The following B3GALT5 variants were observed in gnomAD, a reference collection of about 807,000 sequenced individuals.
The protein encoded by B3GALT5 is UDP-Gal:betaGlcNAc beta 1,3-galactosyltransferase, polypeptide 5.
For missense variants in B3GALT5, 328 were observed against 396.6 expected (o/e 0.83, Z 1.47); for synonymous variants, 156 against 158.6 (o/e 0.98, Z 0.12).
chr21:39,644,923 A>G (rs1054010497), intron 1 of B3GALT5, among the ~76,000 whole-genome samples: 1 of 152,068 alleles, frequency 6.6e-6, no homozygotes, highest in Non-Finnish European at 1.5e-5. Flanking sequence ...ATGTGTGTTG[A>G]CTGGCTCACC....
At chr21:39,631,911 A>C (rs150567455) in intron 1 of B3GALT5, among the ~76,000 whole-genome samples, 42 of 152,288 alleles carry the variant, frequency 2.8e-4, no homozygotes, top group Middle Eastern at 6.8e-3. Flanking sequence ...TGAAAGCATT[A>C]AGAGGAGCTC....
At chr21:39,634,795 G>T (rs435324) in intron 1 of B3GALT5, among the ~76,000 whole-genome samples, 1 of 152,142 alleles carries the variant, frequency 6.6e-6, no homozygotes, top group Admixed American at 6.5e-5. Context: ...AGGAACAGAA[G>T]TCATCACGTT....
At chr21:39,634,908 A>G (rs1329252894) in intron 1 of B3GALT5, among the ~76,000 whole-genome samples, 1 of 152,218 alleles carries the variant, frequency 6.6e-6, no homozygotes, top group Non-Finnish European at 1.5e-5. Flanking sequence ...ATGGCAGGCC[A>G]GAGGAAGCTC....
At chr21:39,647,352 G>C (rs888630198) in intron 2 of B3GALT5, among the ~76,000 whole-genome samples, 4 of 152,164 alleles carry the variant, frequency 2.6e-5, no homozygotes, top group Admixed American at 6.5e-5. Context: ...CATTGCCTGT[G>C]GTTTAGGGTG....
At position 39,668,407 on chromosome 21, in the gene B3GALT5, A is replaced by G. The variant is rs947685604; in HGVS notation, c.*6915A>G. On this transcript the variant is annotated 3_prime_UTR_variant, in exon 4 of 4. Transcript: ENST00000684187. ...TCCAAATATCCCTGATTTGGGGGGC[A>G]AGGTCTGTGTGTGATTTGCAGAGTA... is the stretch of plus-strand genomic sequence containing the variant. The G allele has an allele frequency of 2.0e-5, 3 of 152,204 alleles. No homozygotes were observed. The highest frequency in any genetic ancestry group is 7.2e-5 in the African/African-American group (3 of 41,448). 9.4% of individuals were successfully genotyped at this position (152,204 alleles called of 1,614,324 possible).
chr21:39,647,105 A>G (rs2079347718), intron 2 of B3GALT5, among the ~76,000 whole-genome samples: 1 of 152,116 alleles, frequency 6.6e-6, no homozygotes, highest in South Asian at 2.1e-4. Context: ...TGTCTCAAAA[A>G]AGCAAAACAA....
intron 2 of B3GALT5, among the ~76,000 whole-genome samples, chr21:39,649,758 G>A (rs2079377023): frequency 6.6e-6 from 1 of 152,126 alleles, no homozygotes; most frequent in South Asian, 2.1e-4. Context: ...AGTGACGTTG[G>A]GGATCTGGAG....
At chr21:39,640,608 TG>T (rs1198482379) in intron 1 of B3GALT5, among the ~76,000 whole-genome samples, 5 of 152,212 alleles carry the variant, frequency 3.3e-5, no homozygotes, top group African/African-American at 1.2e-4. Flanking sequence ...CAGCCTGTAC[TG>T]AACTTCAAAA....
rs997462543 is a variant in B3GALT5 at position 39,661,762 on chromosome 21, A to G, written c.*270A>G. On this transcript the variant is annotated 3_prime_UTR_variant, in exon 4 of 4. Transcript: ENST00000684187. The surrounding 1 kb of genome is among the most constrained non-coding windows in gnomAD (Gnocchi z 4.7). Reference sequence around the variant, plus strand: ...TCAGGGGTCAGTATCCTATGACATGATGGGTGTTACCATCCTAATTTTACA... The same window carrying G: ...TCAGGGGTCAGTATCCTATGACATGGTGGGTGTTACCATCCTAATTTTACA... 6 of 329,642 alleles carry G rather than the reference A, an allele frequency of 1.8e-5. No individual in the cohort carries two copies. Among genetic ancestry groups the G allele is most frequent in the East Asian group, 1.6e-4 (3 of 19,316 alleles). 20.4% of individuals were successfully genotyped at this position (329,642 alleles called of 1,614,324 possible).
At position 39,629,043 on chromosome 21, in the gene B3GALT5, G is replaced by A. The variant is rs143131746; in HGVS notation, c.-392+15976G>A. Among the ~76,000 whole-genome samples the A allele has an allele frequency of 9.6e-4, 146 of 151,388 alleles. No individual in the cohort carries two copies. In the East Asian group the frequency reaches 0.025, roughly 26 times the overall value. Reference sequence around the variant, plus strand: ...CTTTTTTTTTTTGAGATGGAGTCTCGCTCTGTCGCCCAGGTTGGAGTGCAG... The same window carrying A: ...CTTTTTTTTTTTGAGATGGAGTCTCACTCTGTCGCCCAGGTTGGAGTGCAG... On this transcript the variant is annotated intron_variant, in intron 1 of 3. Transcript: ENST00000684187.
At chr21:39,632,440 G>C (rs2079198368) in intron 1 of B3GALT5, among the ~76,000 whole-genome samples, 1 of 152,194 alleles carries the variant, frequency 6.6e-6, no homozygotes, top group Admixed American at 6.5e-5. Context: ...AGTACAGGCT[G>C]TCTGTTGCAG....
chr21:39,625,309 G>T lies in B3GALT5; in HGVS notation c.-392+12242G>T, dbSNP rs1039282295. Among the ~76,000 whole-genome samples the T allele has an allele frequency of 2.0e-5, 3 of 152,310 alleles. No homozygotes were observed. In the East Asian group the frequency reaches 5.8e-4, roughly 29 times the overall value. ...AGAAAGCAGTTTTCGTGTGTGATCA[G>T]TCGTTCTGAGCCTGATGGCTCTACC... On this transcript the variant is annotated intron_variant, in intron 1 of 3. Coordinates refer to ENST00000684187, the MANE Select transcript of B3GALT5 (RefSeq NM_001356336.2).
At chr21:39,643,530 G>A (rs2079309767) in intron 1 of B3GALT5, among the ~76,000 whole-genome samples, 1 of 152,210 alleles carries the variant, frequency 6.6e-6, no homozygotes, top group African/African-American at 2.4e-5. Context: ...GCTGTTTTAT[G>A]TAGGTGACAG....
chr21:39,655,895 C>T (rs937785734), intron 2 of B3GALT5, among the ~76,000 whole-genome samples: 5 of 152,132 alleles, frequency 3.3e-5, no homozygotes, highest in African/African-American at 1.2e-4. Context: ...TTTCCACCTT[C>T]TCCAGGGGAA....
intron 1 of B3GALT5, among the ~76,000 whole-genome samples, chr21:39,620,911 T>G (rs1346011402): frequency 6.6e-6 from 1 of 152,228 alleles, no homozygotes; most frequent in Non-Finnish European, 1.5e-5. Context: ...CTTTTATTTC[T>G]TATATACATC....
intron 1 of B3GALT5, among the ~76,000 whole-genome samples, chr21:39,642,587 T>C (rs2146201652): frequency 6.6e-6 from 1 of 152,382 alleles, no homozygotes; most frequent in African/African-American, 2.4e-5. Context: ...TTCTGTTTGC[T>C]CTGTCTCTTT....
intron 1 of B3GALT5, among the ~76,000 whole-genome samples, chr21:39,644,048 G>A (rs978604531): frequency 6.6e-6 from 1 of 151,370 alleles, no homozygotes; most frequent in East Asian, 1.9e-4. Flanking sequence ...AGATGATTTT[G>A]AGGTCTTTAG....
intron 2 of B3GALT5, among the ~76,000 whole-genome samples, chr21:39,656,398 G>A (rs1277204214): frequency 1.3e-5 from 2 of 152,120 alleles, no homozygotes; most frequent in Non-Finnish European, 2.9e-5. Flanking sequence ...CCATCCCCTG[G>A]TTCCACCTGT....
intron 1 of B3GALT5, among the ~76,000 whole-genome samples, chr21:39,639,298 CTTTCTT>C (rs1176057308): frequency 6.1e-5 from 4 of 65,586 alleles, no homozygotes; most frequent in African/African-American, 2.6e-4. Context: ...CTCTTTCTTT[CTTTCTT>C]TCTTTCTTTC....
Sources: allele counts gnomAD v4.1 joint callset (sites outside exome capture counted in the v4.1 genomes callset), GRCh38; gene constraint gnomAD v4.1.1; non-coding constraint Gnocchi (gnomAD v3.1); transcripts MANE v1.5; gene names NCBI Gene and HGNC (gene_info 2026-07-23, HGNC 2026-07-21).